METTL16: variants seen among roughly 807,000 people sequenced by gnomAD.
METTL16 encodes RNA N(6)-adenosine-methyltransferase METTL16.
In METTL16, 19 loss-of-function variants were observed where a neutral mutation model predicts 57.9. That is an observed-to-expected ratio of 0.33 (90% CI 0.23 to 0.48). The LOEUF is 0.48. Among genes scored for constraint, METTL16 ranks in the 20% least tolerant of loss-of-function variants. The pLI is 0.99. For missense variants in METTL16, 434 were observed against 691.5 expected, an observed-to-expected ratio of 0.63 and a Z score of 4.18; for synonymous variants, 246 against 255.6, an observed-to-expected ratio of 0.96 and a Z score of 0.36.
intron 1 of METTL16, among the ~76,000 whole-genome samples, chr17:2,506,155 A>G (rs2151581642): frequency 6.6e-6 from 1 of 151,996 alleles, no homozygotes; most frequent in Middle Eastern, 3.4e-3. Flanking sequence ...GCAAATTCTT[A>G]GTCATTCTTG....
At chr17:2,500,585 A>G (rs1251044250) in intron 2 of METTL16, among the ~76,000 whole-genome samples, 1 of 151,862 alleles carries the variant, frequency 6.6e-6, no homozygotes, top group Non-Finnish European at 1.5e-5. Context: ...CCCGGCCACT[A>G]TTATTCTTTC....
chr17:2,476,100 T>C (rs911480406), intron 3 of METTL16, among the ~76,000 whole-genome samples: 1 of 152,182 alleles, frequency 6.6e-6, no homozygotes, highest in African/African-American at 2.4e-5. Context: ...TTTCACTGCA[T>C]GTGGAGAAGC....
chr17:2,492,079 C>A (rs575166387), intron 2 of METTL16, among the ~76,000 whole-genome samples: 2 of 140,582 alleles, frequency 1.4e-5, no homozygotes, highest in South Asian at 2.4e-4. Context: ...GGCGTGGTGG[C>A]GGGTGCCTGT....
At chr17:2,483,336 G>C (rs2067320110) in intron 2 of METTL16, among the ~76,000 whole-genome samples, 1 of 152,194 alleles carries the variant, frequency 6.6e-6, no homozygotes, top group East Asian at 1.9e-4. Flanking sequence ...ATAAAATGCT[G>C]ATGGAGGTCA....
intron 2 of METTL16, among the ~76,000 whole-genome samples, chr17:2,501,170 G>A (rs149578844): frequency 1.3e-3 from 193 of 152,290 alleles, no homozygotes; most frequent in Non-Finnish European, 2.5e-3. Flanking sequence ...TGTGGTGGCT[G>A]TAATCTCAGA....
At chr17:2,464,461 T>C (rs1453618273) in intron 5 of METTL16, 111 bp from the exon 6 acceptor site, 8 of 1,001,682 alleles carry the variant, frequency 8.0e-6, no homozygotes, top group Non-Finnish European at 1.1e-5. Flanking sequence ...ACTTTCCAAA[T>C]AGTATGCTAG....
At position 2,489,732 on chromosome 17, in the gene METTL16, C is replaced by CAAAAAAAAAAAAAA. The variant is rs61506042; in HGVS notation, c.129-11861_129-11848dup. On this transcript the variant is annotated intron_variant, in intron 2 of 9. Transcript: ENST00000263092. ...CCAGCCTGGATGACAGAGCGAGACTCAAAAAAAAAAAAAAAAACGAATACT... is the reference window on the plus strand; with the variant it reads ...CCAGCCTGGATGACAGAGCGAGACTCAAAAAAAAAAAAAAAAAAAAAAAAAAAAAAACGAATACT... Among the ~76,000 whole-genome samples, 34 of 60,300 alleles carry CAAAAAAAAAAAAAA rather than the reference C, an allele frequency of 5.6e-4. 8 individuals are homozygous for CAAAAAAAAAAAAAA. Among genetic ancestry groups the CAAAAAAAAAAAAAA allele is most frequent in the African/African-American group, 2.0e-3 (23 of 11,674 alleles). 39.6% of individuals were successfully genotyped at this position (60,300 alleles called of 152,430 possible).
intron 4 of METTL16, among the ~76,000 whole-genome samples, chr17:2,469,826 A>G (rs1303228830): frequency 6.6e-6 from 1 of 151,778 alleles, no homozygotes. Flanking sequence ...CGGCCTATGT[A>G]CTGAAATTAA....
intron 8 of METTL16, among the ~76,000 whole-genome samples, chr17:2,437,047 A>C (rs1008471812): frequency 2.0e-5 from 3 of 151,748 alleles, no homozygotes; most frequent in African/African-American, 7.3e-5. Context: ...AAAATACAAA[A>C]ATTTTTGTAT....
intron 2 of METTL16, among the ~76,000 whole-genome samples, chr17:2,500,725 A>G (rs1259917813): frequency 6.6e-6 from 1 of 152,202 alleles, no homozygotes; most frequent in Non-Finnish European, 1.5e-5. Context: ...AGTTAGAGAT[A>G]GTTCTTTCTC....
chr17:2,438,754 A>C (rs2066926590), intron 7 of METTL16, among the ~76,000 whole-genome samples: 2 of 152,176 alleles, frequency 1.3e-5, no homozygotes, highest in Non-Finnish European at 2.9e-5. Context: ...TCGGCCTCCC[A>C]AAGTGCTGAG....
intron 2 of METTL16, among the ~76,000 whole-genome samples, chr17:2,497,679 G>A (rs545901885): frequency 1.3e-5 from 2 of 151,608 alleles, no homozygotes; most frequent in African/African-American, 4.9e-5. Context: ...TGACTTGCCA[G>A]GTACCTTTAG....
intron 8 of METTL16, among the ~76,000 whole-genome samples, chr17:2,433,829 C>A (rs182236955): frequency 2.0e-5 from 3 of 152,326 alleles, no homozygotes; most frequent in East Asian, 3.9e-4. Context: ...CGCCACCCAC[C>A]GACCTACGAG....
chr17:2,478,038 C>T (rs779934156), intron 2 of METTL16, among the ~76,000 whole-genome samples, 153 bp from the exon 3 acceptor site: 1 of 152,212 alleles, frequency 6.6e-6, no homozygotes, highest in East Asian at 1.9e-4. Context: ...GGCACATACA[C>T]GAGTGTTTCA....
chr17:2,489,587 A>C (rs1047234633), intron 2 of METTL16, among the ~76,000 whole-genome samples: 8 of 151,908 alleles, frequency 5.3e-5, no homozygotes, highest in African/African-American at 1.9e-4. Context: ...AATGCAAAAA[A>C]AATTAGCTGG....
rs781130501 is a variant in METTL16 at position 2,497,305 on chromosome 17, C to CTTTTTTT, written c.128+4892_128+4898dup. ...ACAGGCGTGCGCCACTGCACCCGGC[C>CTTTTTTT]TTTTTTTTTTTTTTTTTTTTTTTTT... is the stretch of plus-strand genomic sequence containing the variant. On this transcript the variant is annotated intron_variant, in intron 2 of 9. Coordinates refer to ENST00000263092, the MANE Select transcript of METTL16 (RefSeq NM_024086.4). Among the ~76,000 whole-genome samples the CTTTTTTT allele has an allele frequency of 3.4e-4, 22 of 63,782 alleles. 1 individual carries two copies. The highest frequency in any genetic ancestry group is 1.4e-3 in the East Asian group (3 of 2,204). 41.8% of individuals were successfully genotyped at this position (63,782 alleles called of 152,430 possible). A position where few individuals can be genotyped will look rare whatever the true frequency, so the allele number is the denominator to read the frequency against.
chr17:2,486,518 G>A (rs997264464), intron 2 of METTL16, among the ~76,000 whole-genome samples: 10 of 151,970 alleles, frequency 6.6e-5, no homozygotes, highest in African/African-American at 2.2e-4. Flanking sequence ...TGATCTGCCC[G>A]CCTCGACCTC....
chr17:2,504,741 A>G (rs1330268664), intron 1 of METTL16, among the ~76,000 whole-genome samples: 1 of 151,848 alleles, frequency 6.6e-6, no homozygotes, highest in South Asian at 2.1e-4. Context: ...TTTATTTTTA[A>G]TTTTATTTTT....
chr17:2,491,600 G>A (rs956381383), intron 2 of METTL16, among the ~76,000 whole-genome samples: 3 of 152,150 alleles, frequency 2.0e-5, no homozygotes, highest in African/African-American at 7.2e-5. Context: ...AGTTGGCCGG[G>A]CACGGTGGCT....
Sources: allele counts gnomAD v4.1 joint callset (sites outside exome capture counted in the v4.1 genomes callset), GRCh38; gene constraint gnomAD v4.1.1; transcripts MANE v1.5; gene names NCBI Gene and HGNC (gene_info 2026-07-23, HGNC 2026-07-21).